TRIP10: variants seen among roughly 807,000 people sequenced by gnomAD.
The protein encoded by TRIP10 is thyroid hormone receptor interactor 10.
Under a neutral mutation model 80.9 loss-of-function variants are expected in TRIP10, and 54 were observed. The observed-to-expected ratio is 0.67, with a 90% CI of 0.54 to 0.84. The LOEUF (loss-of-function observed/expected upper bound fraction) is 0.84. TRIP10 is among the 40% of genes least tolerant of loss of function. The probability of loss-of-function intolerance (pLI) is 0.00; values close to 1 mark genes in which losing one functional copy is unlikely to be tolerated. For synonymous variants in TRIP10, 321 were observed against 307.2 expected (o/e 1.04, Z -0.47); for missense variants, 773 against 815.3 (o/e 0.95, Z 0.63).
chr19:6,749,946 G>A lies in TRIP10; in HGVS notation c.1275G>A (p.Lys425=). The A allele has an allele frequency of 6.2e-7, 1 of 1,614,004 alleles. No homozygotes were observed. The highest frequency in any genetic ancestry group is 8.5e-7 in the Non-Finnish European group (1 of 1,179,960). ...QKEVDQREAL[K]KMKDVYEKTP... ...TCCCTTGTCATAGGGAAGCCCTAAA[G>A]AAAATGAAGGATGTCTATGAGAAGA... The change falls in exon 12 of 15, where the codon AAG becomes AAA. Residue 425 remains lysine, a synonymous_variant. Transcript: ENST00000313244.
chr19:6,749,079 C>T (rs1969210546), intron 11 of TRIP10, among the ~76,000 whole-genome samples: 1 of 151,336 alleles, frequency 6.6e-6, no homozygotes, highest in Non-Finnish European at 1.5e-5. Context: ...TTTCCCCTGC[C>T]CCCCCTTCTT....
intron 11 of TRIP10, among the ~76,000 whole-genome samples, chr19:6,747,661 C>G (rs1337124629): frequency 6.6e-6 from 1 of 151,660 alleles, no homozygotes; most frequent in African/African-American, 2.4e-5. Context: ...GGCATTGTGG[C>G]ACGCGCCTGT....
Position 6,745,162 on chromosome 19 carries a change from G to GAGTCCCCCCC in TRIP10, c.984+176_984+177insCCAGTCCCCC, listed in dbSNP as rs1969076323. On this transcript the variant is annotated intron_variant, in intron 9 of 14. Transcript: ENST00000313244. The surrounding 1 kb of genome is among the most constrained non-coding windows in gnomAD (Gnocchi z 7.2). ...GAAGGAAGGCGGCCGATTGGCCTGG[G>GAGTCCCCCCC]AGTCCCCCGAGGCGAAGGCGGGGGC... is the stretch of plus-strand genomic sequence containing the variant. 1 of 960,574 alleles carries GAGTCCCCCCC rather than the reference G, an allele frequency of 1.0e-6. No homozygotes were observed. Among genetic ancestry groups the GAGTCCCCCCC allele is most frequent in the African/African-American group, 1.7e-5 (1 of 59,712 alleles). 59.5% of individuals were successfully genotyped at this position (960,574 alleles called of 1,614,324 possible). A position where few individuals can be genotyped will look rare whatever the true frequency, so the allele number is the denominator to read the frequency against.
At chr19:6,749,822 G>A in intron 11 of TRIP10, 112 bp from the exon 12 acceptor site, 3 of 1,462,932 alleles carry the variant, frequency 2.1e-6, no homozygotes, top group Non-Finnish European at 9.2e-7. Flanking sequence ...CTGCACACCA[G>A]CCTGGGGAAA....
rs1223972533 is a variant in TRIP10, at chr19:6,750,060, G to C, written c.1389G>C (p.Lys463Asn). The change falls in exon 12 of 15, where the codon AAG (lysine) becomes AAC (asparagine). Residue 463 changes from lysine to asparagine, a missense_variant. Physicochemically the swap from Lys to Asn is moderately conservative, Grantham distance 94. Coordinates refer to ENST00000313244, the MANE Select transcript of TRIP10 (RefSeq NM_001288962.2). The part of the protein sequence containing the change: ...NIERLKLEVQ[K>N]YEAWLAEAES... Reference sequence around the variant, plus strand: ...AACGGCTGAAATTGGAAGTGCAGAAGTATGAGGTCAGGAAAGACCCTGGGG... The same window carrying C: ...AACGGCTGAAATTGGAAGTGCAGAACTATGAGGTCAGGAAAGACCCTGGGG... 7.0e-7 allele frequency: 1 copy of C among 1,427,026 alleles called. No individual in the cohort carries two copies. The highest frequency in any genetic ancestry group is 1.5e-5 in the African/African-American group (1 of 68,056). The allele number at this position is 1,427,026 out of a possible 1,614,324, so 88.4% of individuals were successfully genotyped here.
Position 6,746,184 on chromosome 19 carries a change from A to G in TRIP10, c.1140A>G (p.Arg380=). The change falls in exon 10 of 15, where the codon CGA becomes CGG. Residue 380 remains arginine (R), a synonymous_variant. Coordinates refer to ENST00000313244, the MANE Select transcript of TRIP10 (RefSeq NM_001288962.2). The surrounding 1 kb of genome is among the most constrained non-coding windows in gnomAD (Gnocchi z 6.2). ...GGCTAGCATCCTTCCGCAGCCTTCG[A>G]GGCAGCCGTGGGGTAAGTGAGGCCT... The part of the protein sequence containing the change: ...KPRLASFRSL[R]GSRGTVVTED... 1 of 1,538,322 alleles carries G rather than the reference A, an allele frequency of 6.5e-7. No individual in the cohort carries two copies. The highest frequency in any genetic ancestry group is 1.2e-5 in the South Asian group (1 of 82,738).
rs970056759 is a variant in TRIP10, at chr19:6,745,932, G to C, written c.985-97G>C. On this transcript the variant is annotated intron_variant, in intron 9 of 14. Transcript: ENST00000313244. This position sits in a 1 kb window ranked among gnomAD's most constrained non-coding sequence, Gnocchi z 7.2. The stretch of plus-strand genomic sequence containing the variant: ...TTTTTTTGCGTCCATCCGTCCATCC[G>C]TGCGTCCATCCCTCCGTCCATTCGT... The C allele has an allele frequency of 2.4e-6, 3 of 1,235,230 alleles. No homozygotes were observed. The highest frequency in any genetic ancestry group is 3.1e-5 in the African/African-American group (2 of 64,076). The allele number at this position is 1,235,230 out of a possible 1,614,324, so 76.5% of individuals were successfully genotyped here.
At chr19:6,743,164 T>C in intron 4 of TRIP10, 30 bp from the exon 5 acceptor site, 1 of 1,614,108 alleles carries the variant, frequency 6.2e-7, no homozygotes, top group Admixed American at 1.7e-5. Flanking sequence ...GCTGGAACCC[T>C]GGCGAGCCTT....
chr19:6,749,828 G>T, intron 11 of TRIP10, 106 bp from the exon 12 acceptor site: 1 of 1,479,680 alleles, frequency 6.8e-7, no homozygotes, highest in Non-Finnish European at 9.1e-7. Flanking sequence ...ACCAGCCTGG[G>T]GAAAGAGTCA....
rs534975054 is a variant in TRIP10, at chr19:6,749,874, G to A, written c.1263-60G>A. The stretch of plus-strand genomic sequence containing the variant: ...CTGACTCAAACAAAACAAAACAACA[G>A]CAACAAAAAAACTCACACGGAAGTA... On this transcript the variant is annotated intron_variant, in intron 11 of 14. Transcript: ENST00000313244. The A allele has an allele frequency of 6.5e-5, 102 of 1,577,242 alleles. 1 individual carries two copies. The East Asian group carries it at 1.8e-3, about 27-fold the overall frequency.
chr19:6,750,663 G>T, intron 14 of TRIP10, 30 bp downstream of exon 14: 1 of 1,612,040 alleles, frequency 6.2e-7, no homozygotes, highest in Non-Finnish European at 8.5e-7. Context: ...GCTTGGCGGG[G>T]TATGGGAGGC....
At chr19:6,747,436 C>G (rs1215525065) in intron 11 of TRIP10, among the ~76,000 whole-genome samples, 2 of 152,194 alleles carry the variant, frequency 1.3e-5, no homozygotes, top group Non-Finnish European at 2.9e-5. Flanking sequence ...ATTCCCAAAT[C>G]TGTGGCCAAG....
chr19:6,739,997 A>C (rs1968860145), intron 1 of TRIP10, among the ~76,000 whole-genome samples: 1 of 152,072 alleles, frequency 6.6e-6, no homozygotes, highest in Non-Finnish European at 1.5e-5. Flanking sequence ...GGAGTGGGGA[A>C]ACTGAGGCAC....
chr19:6,747,945 G>C (rs1377529436), intron 11 of TRIP10, among the ~76,000 whole-genome samples: 4 of 145,508 alleles, frequency 2.7e-5, no homozygotes, highest in African/African-American at 1.1e-4. Context: ...CCATCTCTTA[G>C]AAGAAGAAGA....
Position 6,745,953 on chromosome 19 carries a change from T to G in TRIP10, c.985-76T>G. 9 of 1,217,744 alleles carry G rather than the reference T, an allele frequency of 7.4e-6. No homozygotes were observed. The East Asian group carries it at 9.5e-5, about 13-fold the overall frequency. The allele number at this position is 1,217,744 out of a possible 1,614,324, so 75.4% of individuals were successfully genotyped here. A position where few individuals can be genotyped will look rare whatever the true frequency, so the allele number is the denominator to read the frequency against. On this transcript the variant is annotated intron_variant, in intron 9 of 14. Coordinates refer to ENST00000313244, the MANE Select transcript of TRIP10 (RefSeq NM_001288962.2). This position sits in a 1 kb window ranked among gnomAD's most constrained non-coding sequence, Gnocchi z 7.2. ...ATCCGTGCGTCCATCCCTCCGTCCA[T>G]TCGTCCTCACTCTCTACATCCTCCT...
chr19:6,743,523 G>A lies in TRIP10; in HGVS notation c.438G>A (p.Arg146=). 1 of 1,613,642 alleles carries A rather than the reference G, an allele frequency of 6.2e-7. No homozygotes were observed. Among genetic ancestry groups the A allele is most frequent in the Non-Finnish European group, 8.5e-7 (1 of 1,179,922 alleles). The change falls in exon 6 of 15, where the codon CGG becomes CGA. Residue 146 remains arginine, a synonymous_variant. Coordinates refer to ENST00000313244, the MANE Select transcript of TRIP10 (RefSeq NM_001288962.2). ...NSKRKFERDC[R]EAEKAAQTAE... ...AGCGTAAATTTGAGCGGGACTGCCGGGAGGCAGAGAAGGCAGCCCAGACTG... is the reference window on the plus strand; with the variant it reads ...AGCGTAAATTTGAGCGGGACTGCCGAGAGGCAGAGAAGGCAGCCCAGACTG...
In TRIP10 at chr19:6,749,941, C is replaced by G. The variant is rs1969231578; in HGVS notation, c.1270C>G (p.Leu424Val). The change falls in exon 12 of 15, where the codon CTA becomes GTA. Residue 424 changes from leucine to valine, a missense_variant. By Grantham distance (32) the Leu-to-Val change is conservative. Coordinates refer to ENST00000313244, the MANE Select transcript of TRIP10 (RefSeq NM_001288962.2). ...CTGTCTCCCTTGTCATAGGGAAGCC[C>G]TAAAGAAAATGAAGGATGTCTATGA... ...LQKEVDQREA[L>V]KKMKDVYEKT... 1 of 1,613,878 alleles carries G rather than the reference C, an allele frequency of 6.2e-7. No homozygotes were observed. The highest frequency in any genetic ancestry group is 8.5e-7 in the Non-Finnish European group (1 of 1,179,936).
Position 6,744,988 on chromosome 19 carries a change from G to C in TRIP10, c.978G>C (p.Lys326Asn). ...CCAAGCGCTGGCCTTTTGGCAAGAA[G>C]AACAAGGTGGGGGCCGGGACCCTTG... ...SRTKRWPFGK[K>N]NKPRPPPLSP... The change falls in exon 9 of 15, where the codon AAG becomes AAC. Residue 326 changes from lysine (K) to asparagine (N), a missense_variant. Coordinates refer to ENST00000313244, the MANE Select transcript of TRIP10 (RefSeq NM_001288962.2). The surrounding 1 kb of genome is among the most constrained non-coding windows in gnomAD (Gnocchi z 4.9). 4 of 1,613,234 alleles carry C rather than the reference G, an allele frequency of 2.5e-6. No individual in the cohort carries two copies. Among genetic ancestry groups the C allele is most frequent in the African/African-American group, 1.3e-5 (1 of 75,068 alleles).
Position 6,750,028 on chromosome 19 carries a change from A to G in TRIP10, c.1357A>G (p.Asn453Asp), listed in dbSNP as rs377577075. 455 of 1,613,930 alleles carry G rather than the reference A, an allele frequency of 2.8e-4. No individual in the cohort carries two copies. Among genetic ancestry groups the G allele is most frequent in the South Asian group, 7.1e-4 (65 of 91,070 alleles). ...GCCCCAGATCGCTGAAACCCTGAGC[A>G]ACATTGAACGGCTGAAATTGGAAGT... ...LEPQIAETLS[N>D]IERLKLEVQK... is the part of the protein sequence containing the mutation. The change falls in exon 12 of 15, where the codon AAC becomes GAC. Residue 453 changes from asparagine to aspartate, a missense_variant. Coordinates refer to ENST00000313244, the MANE Select transcript of TRIP10 (RefSeq NM_001288962.2).
Sources: gnomAD v4.1 joint callset for allele counts (sites outside exome capture counted in the v4.1 genomes callset) on GRCh38, gnomAD v4.1.1 for gene constraint, Gnocchi (gnomAD v3.1) non-coding constraint, MANE v1.5 for transcripts, NCBI Gene and HGNC (gene_info 2026-07-23, HGNC 2026-07-21) for gene names.